GPR22: variants seen among roughly 807,000 people sequenced by gnomAD.
GPR22 encodes G-protein coupled receptor 22.
GPR22 carries 13 observed loss-of-function variants against 31.0 expected under a neutral mutation model. That is an observed-to-expected ratio of 0.42 (90% CI 0.27 to 0.67). GPR22 has a LOEUF of 0.67. Ranked by LOEUF, GPR22 falls within the 30% of genes least tolerant of loss-of-function variation. The pLI, the probability that GPR22 is intolerant of heterozygous loss-of-function variation, is 0.25. For missense variants in GPR22, 368 were observed against 509.6 expected (o/e 0.72, Z 2.67); for synonymous variants, 191 against 173.4 (o/e 1.10, Z -0.80).
downstream of GPR22, among the ~76,000 whole-genome samples, chr7:107,477,755 A>G (rs1370335122): frequency 2.0e-5 from 3 of 151,934 alleles, no homozygotes; most frequent in East Asian, 3.8e-4. Context: ...AGTCACAACT[A>G]TGTTTCCAAC....
At position 107,475,262 on chromosome 7, in the gene GPR22, T is replaced by C. The variant is rs151252193; in HGVS notation, c.1202T>C (p.Ile401Thr). 2.2e-5 allele frequency: 36 copies of C among 1,603,322 alleles called. No individual in the cohort carries two copies. The highest frequency in any genetic ancestry group is 2.9e-5 in the Non-Finnish European group (34 of 1,170,894). Residue 401 changes from isoleucine to threonine, a missense_variant, in exon 3 of 3, where the codon ATA becomes ACA. Coordinates refer to ENST00000304402, the MANE Select transcript of GPR22 (RefSeq NM_005295.3). The part of the protein sequence containing the change: ...EADPLPNNAV[I>T]HNSWIDPKRN... Reference sequence around the variant, plus strand: ...GATCCCCTGCCTAATAATGCTGTAATACACAACTCTTGGATAGATCCTAAA... The same window carrying C: ...GATCCCCTGCCTAATAATGCTGTAACACACAACTCTTGGATAGATCCTAAA...
downstream of GPR22, among the ~76,000 whole-genome samples, chr7:107,477,799 C>T (rs2129116846): frequency 6.6e-6 from 1 of 151,924 alleles, no homozygotes; most frequent in South Asian, 2.1e-4. Flanking sequence ...GAATGAGAAG[C>T]TTAGACAACT....
downstream of GPR22, among the ~76,000 whole-genome samples, chr7:107,477,484 G>A (rs938235302): frequency 2.0e-5 from 3 of 151,526 alleles, no homozygotes; most frequent in Non-Finnish European, 3.0e-5. Context: ...TCTGTAATAA[G>A]AAATTAAATA....
chr7:107,473,977 C>A, intron 2 of GPR22, 58 bp from the exon 3 acceptor site: 1 of 671,140 alleles, frequency 1.5e-6, no homozygotes, highest in Non-Finnish European at 2.5e-6. Flanking sequence ...ACAAAGAACA[C>A]GTTATACGTC....
At chr7:107,470,813 GT>G in intron 1 of GPR22, among the ~76,000 whole-genome samples, 1 of 152,016 alleles carries the variant, frequency 6.6e-6, no homozygotes, top group South Asian at 2.1e-4. Flanking sequence ...TTTATGTTAA[GT>G]TTATTATTTG....
rs1323089479 is a variant in GPR22 at position 107,471,921 on chromosome 7, T to C, written c.-408T>C. 1 of 151,980 alleles carries C rather than the reference T, an allele frequency of 6.6e-6. No homozygotes were observed. The highest frequency in any genetic ancestry group is 3.2e-3 in the Middle Eastern group (1 of 316). 9.4% of individuals were successfully genotyped at this position (151,980 alleles called of 1,614,324 possible). ...AAGGACATGGCCTGGATTTATAATA[T>C]AAAGCAAGTTATGTGATCAAGAAAT... On this transcript the variant is annotated 5_prime_UTR_variant, in exon 2 of 3. An upstream open reading frame in the 5' UTR loses its in-frame stop. Transcript: ENST00000304402.
At chr7:107,472,656 C>T (rs1278381566) in intron 2 of GPR22, 1 of 151,688 alleles carries the variant, frequency 6.6e-6, no homozygotes, top group Admixed American at 6.6e-5. Context: ...ATAAATATAC[C>T]TCTAGTAATA....
In GPR22 at chr7:107,475,259, T is replaced by G. The variant is rs1157600277; in HGVS notation, c.1199T>G (p.Val400Gly). The G allele has an allele frequency of 1.2e-6, 2 of 1,602,466 alleles. No homozygotes were observed. The highest frequency in any genetic ancestry group is 2.2e-5 in the East Asian group (1 of 44,808). The part of the protein sequence containing the change: ...VEADPLPNNA[V>G]IHNSWIDPKR... ...GCTGATCCCCTGCCTAATAATGCTGTAATACACAACTCTTGGATAGATCCT... is the reference window on the plus strand; with the variant it reads ...GCTGATCCCCTGCCTAATAATGCTGGAATACACAACTCTTGGATAGATCCT... Residue 400 changes from valine to glycine, a missense_variant, in exon 3 of 3, where the codon GTA becomes GGA. By Grantham distance (109) the Val-to-Gly change is moderately radical. Coordinates refer to ENST00000304402, the MANE Select transcript of GPR22 (RefSeq NM_005295.3).
At position 107,475,421 on chromosome 7, in the gene GPR22, A is replaced by G; in HGVS notation, c.*59A>G. ...AATGAGTTTTAAATTTAAATTGTAA[A>G]AACTGATATTACTGCCAAATATAAG... On this transcript the variant is annotated 3_prime_UTR_variant, in exon 3 of 3. Transcript: ENST00000304402. 1.3e-6 allele frequency: 1 copy of G among 783,498 alleles called. No homozygotes were observed. Among genetic ancestry groups the G allele is most frequent in the Non-Finnish European group, 2.0e-6 (1 of 498,314 alleles). The allele number at this position is 783,498 out of a possible 1,614,324, so 48.5% of individuals were successfully genotyped here.
chr7:107,474,956 A>C lies in GPR22; in HGVS notation c.896A>C (p.Lys299Thr). The change falls in exon 3 of 3, where the codon AAA becomes ACA. Residue 299 changes from lysine to threonine, a missense_variant. Coordinates refer to ENST00000304402, the MANE Select transcript of GPR22 (RefSeq NM_005295.3). The surrounding 1 kb of genome is among the most constrained non-coding windows in gnomAD (Gnocchi z 5.7). Reference sequence around the variant, plus strand: ...ATAATTGCCCTCCGGCGAGCTGTGAAACGACACCGTGAACGACGAGAAAGA... The same window carrying C: ...ATAATTGCCCTCCGGCGAGCTGTGACACGACACCGTGAACGACGAGAAAGA... ...SVIIALRRAV[K>T]RHRERRERQK... 1 of 1,612,550 alleles carries C rather than the reference A, an allele frequency of 6.2e-7. No individual in the cohort carries two copies. The highest frequency in any genetic ancestry group is 8.5e-7 in the Non-Finnish European group (1 of 1,179,286).
rs765099946 is a variant in GPR22, at chr7:107,474,144, C to G, written c.84C>G (p.Thr28=). The G allele has an allele frequency of 3.7e-6, 6 of 1,608,000 alleles. No individual in the cohort carries two copies. The South Asian group carries it at 6.6e-5, about 18-fold the overall frequency. The change falls in exon 3 of 3, where the codon ACC becomes ACG. Residue 28 remains threonine, a synonymous_variant. Coordinates refer to ENST00000304402, the MANE Select transcript of GPR22 (RefSeq NM_005295.3). This position sits in a 1 kb window ranked among gnomAD's most constrained non-coding sequence, Gnocchi z 5.7. ...GAGATGACATTGATGACATCAACAC[C>G]AATATGTACCAACCACTATCATATC... The part of the protein sequence containing the change: ...TVRDDIDDIN[T]NMYQPLSYPL...
downstream of GPR22, among the ~76,000 whole-genome samples, chr7:107,476,816 A>C (rs888060216): frequency 6.6e-6 from 1 of 151,750 alleles, no homozygotes; most frequent in Non-Finnish European, 1.5e-5. Context: ...ATGTCTAAAA[A>C]TTCAATAATA....
chr7:107,470,668 A>T lies in GPR22; in HGVS notation c.-958+223A>T, dbSNP rs557682677. On this transcript the variant is annotated intron_variant, in intron 1 of 2. Coordinates refer to ENST00000304402, the MANE Select transcript of GPR22 (RefSeq NM_005295.3). ...AATATTCTTTGTAAATTCATTATGA[A>T]GACAGCTTTTGAGTCACTTCAGATA... is the stretch of plus-strand genomic sequence containing the variant. 9.2e-5 allele frequency among the ~76,000 whole-genome samples: 14 copies of T among 152,242 alleles called. No individual in the cohort carries two copies. The East Asian group carries it at 2.5e-3, about 27-fold the overall frequency.
chr7:107,476,879 C>T (rs1397978732), downstream of GPR22, among the ~76,000 whole-genome samples: 1 of 151,258 alleles, frequency 6.6e-6, no homozygotes, highest in East Asian at 1.9e-4. Context: ...TACTGAATAC[C>T]CTAATCCTTG....
In GPR22 at chr7:107,474,558, T is replaced by G. The variant is rs759296424; in HGVS notation, c.498T>G (p.Ile166Met). 1 of 1,610,802 alleles carries G rather than the reference T, an allele frequency of 6.2e-7. No homozygotes were observed. Among genetic ancestry groups the G allele is most frequent in the South Asian group, 1.1e-5 (1 of 90,620 alleles). The change falls in exon 3 of 3, where the codon ATT becomes ATG. Residue 166 changes from isoleucine (I) to methionine (M), a missense_variant. Physicochemically the swap from Ile to Met is conservative, Grantham distance 10 (BLOSUM62 1). Coordinates refer to ENST00000304402, the MANE Select transcript of GPR22 (RefSeq NM_005295.3). The surrounding 1 kb of genome is among the most constrained non-coding windows in gnomAD (Gnocchi z 5.7). ...RAVMLMISIW[I>M]FSFFSFLIPF... ...TAATGTTAATGATATCCATTTGGAT[T>G]TTTTCTTTTTTCTCTTTCCTGATTC...
rs1796642429 is a variant in GPR22, at chr7:107,471,690, T to C, written c.-639T>C. On this transcript the variant is annotated 5_prime_UTR_variant, in exon 2 of 3. Transcript: ENST00000304402. The stretch of plus-strand genomic sequence containing the variant: ...TGGAAGTTACTGATTCTGGAAGACA[T>C]AATGAAACATGAATTTCCAAAAAGA... 6.6e-6 allele frequency: 1 copy of C among 151,964 alleles called. No homozygotes were observed. Among genetic ancestry groups the C allele is most frequent in the Admixed American group, 6.6e-5 (1 of 15,222 alleles). 9.4% of individuals were successfully genotyped at this position (151,964 alleles called of 1,614,324 possible). A position where few individuals can be genotyped will look rare whatever the true frequency, so the allele number is the denominator to read the frequency against.
chr7:107,474,077 T>C lies in GPR22; in HGVS notation c.17T>C (p.Ile6Thr). Residue 6 changes from isoleucine to threonine, a missense_variant, in exon 3 of 3, where the codon ATT (isoleucine) becomes ACT (threonine). Coordinates refer to ENST00000304402, the MANE Select transcript of GPR22 (RefSeq NM_005295.3). The surrounding 1 kb of genome is among the most constrained non-coding windows in gnomAD (Gnocchi z 5.7). ...TCCAAAAGAATGTGTTTTTCTCCCA[T>C]TCTGGAAATCAACATGCAGTCTGAA... MCFSP[I>T]LEINMQSESN... 5.1e-6 allele frequency: 8 copies of C among 1,566,052 alleles called. No individual in the cohort carries two copies. Among genetic ancestry groups the C allele is most frequent in the Non-Finnish European group, 6.9e-6 (8 of 1,152,660 alleles).
downstream of GPR22, among the ~76,000 whole-genome samples, chr7:107,477,233 T>C (rs1032179985): frequency 2.6e-5 from 4 of 151,718 alleles, no homozygotes; most frequent in Non-Finnish European, 5.9e-5. Context: ...CATTAATATC[T>C]TCATTTAAGA....
rs1403046929 is a variant in GPR22, at chr7:107,475,277, T to C, written c.1217T>C (p.Ile406Thr). ...PNNAVIHNSW[I>T]DPKRNKKITF... ...AATGCTGTAATACACAACTCTTGGATAGATCCTAAAAGAAACAAAAAAATT... is the reference window on the plus strand; with the variant it reads ...AATGCTGTAATACACAACTCTTGGACAGATCCTAAAAGAAACAAAAAAATT... Residue 406 changes from isoleucine (I) to threonine (T), a missense_variant, in exon 3 of 3, where the codon ATA (isoleucine) becomes ACA (threonine). Coordinates refer to ENST00000304402, the MANE Select transcript of GPR22 (RefSeq NM_005295.3). 6 of 1,601,046 alleles carry C rather than the reference T, an allele frequency of 3.7e-6. No homozygotes were observed. The highest frequency in any genetic ancestry group is 5.1e-6 in the Non-Finnish European group (6 of 1,171,608).
Sources: gnomAD v4.1 joint callset for allele counts (sites outside exome capture counted in the v4.1 genomes callset) on GRCh38, gnomAD v4.1.1 for gene constraint, Gnocchi (gnomAD v3.1) non-coding constraint, MANE v1.5 for transcripts, NCBI Gene and HGNC (gene_info 2026-07-23, HGNC 2026-07-21) for gene names.